PIKFYVE: variants seen among roughly 807,000 people sequenced by gnomAD.
PIKFYVE encodes the protein phosphoinositide kinase, FYVE-type zinc finger containing, also known as 1-phosphatidylinositol 3-phosphate 5-kinase.
In PIKFYVE, 122 loss-of-function variants were observed where a neutral mutation model predicts 257.9. The observed-to-expected ratio is 0.47, with a 90% CI of 0.41 to 0.55. PIKFYVE has a LOEUF of 0.55. Among genes scored for constraint, PIKFYVE ranks in the 20% least tolerant of loss-of-function variants. The probability of loss-of-function intolerance (pLI) is 0.00; values close to 1 mark genes in which losing one functional copy is unlikely to be tolerated. For missense variants in PIKFYVE, 2,160 were observed against 2,536.6 expected (o/e 0.85, Z 3.19); for synonymous variants, 892 against 868.9 (o/e 1.03, Z -0.47).
intron 30 of PIKFYVE, 122 bp downstream of exon 30, chr2:208,339,677 A>G: frequency 7.6e-7 from 1 of 1,309,934 alleles, no homozygotes. Context: ...TAACAGATTC[A>G]TGCCTTGCTT....
At chr2:208,338,297 A>G (rs1391759004) in intron 28 of PIKFYVE, among the ~76,000 whole-genome samples, 1 of 152,154 alleles carries the variant, frequency 6.6e-6, no homozygotes. Context: ...GTTCATGCAC[A>G]TTTAATAACT....
intron 26 of PIKFYVE, 36 bp from the exon 27 acceptor site, chr2:208,336,010 G>C (rs901791967): frequency 1.2e-6 from 2 of 1,613,006 alleles, no homozygotes; most frequent in African/African-American, 1.3e-5. Flanking sequence ...TGTCTGTATA[G>C]TGTCTGTCTC....
Position 208,357,243 on chromosome 2 carries a change from G to C in PIKFYVE, c.*1938G>C, listed in dbSNP as rs140749141. 5.9e-5 allele frequency: 9 copies of C among 152,310 alleles called. No homozygotes were observed. In the East Asian group the frequency reaches 1.5e-3, roughly 26 times the overall value. 9.4% of individuals were successfully genotyped at this position (152,310 alleles called of 1,614,324 possible). ...TCTAGGAACAATGGATTTTGTATCT[G>C]ATTTAAAATGCCAACACTGTTTTGT... On this transcript the variant is annotated 3_prime_UTR_variant, in exon 42 of 42. Transcript: ENST00000264380.
In PIKFYVE at chr2:208,315,169, T is replaced by G. The variant is rs755241444; in HGVS notation, c.1827-24T>G. The stretch of plus-strand genomic sequence containing the variant: ...CTCTGGCAGTATTAACTATGCAAAC[T>G]TCTTTCTTATAATATTTTTGTAGTT... On this transcript the variant is annotated intron_variant, in intron 14 of 41. Transcript: ENST00000264380. 3.8e-6 allele frequency: 6 copies of G among 1,598,462 alleles called. No homozygotes were observed. In the East Asian group the frequency reaches 1.3e-4, roughly 36 times the overall value.
chr2:208,333,171 T>G (rs1303348097), intron 23 of PIKFYVE, 144 bp from the exon 24 acceptor site: 3 of 751,926 alleles, frequency 4.0e-6, no homozygotes, highest in Non-Finnish European at 6.3e-6. Context: ...GAGGCGGAGC[T>G]TGCAGTGAGC....
At chr2:208,316,643 G>C (rs895801208) in intron 15 of PIKFYVE, among the ~76,000 whole-genome samples, 1 of 152,032 alleles carries the variant, frequency 6.6e-6, no homozygotes, top group Non-Finnish European at 1.5e-5. Flanking sequence ...TTTAAAGTTC[G>C]TATGGAACCA....
intron 15 of PIKFYVE, among the ~76,000 whole-genome samples, chr2:208,317,579 T>C (rs1451949179): frequency 1.3e-5 from 2 of 152,184 alleles, no homozygotes; most frequent in Non-Finnish European, 2.9e-5. Context: ...TTCCCTATGA[T>C]ATTTAACTTA....
chr2:208,325,664 C>T lies in PIKFYVE; in HGVS notation c.2853C>T (p.Ala951=), dbSNP rs770911160. The change falls in exon 20 of 42, where the codon GCC becomes GCT. Residue 951 remains alanine (A), a synonymous_variant. Coordinates refer to ENST00000264380, the MANE Select transcript of PIKFYVE (RefSeq NM_015040.4). ...ATAAAAATCTTCCGCAGGCTGTTGC[C>T]TCTGTGAAGCATCAAGAACATAGCA... ...QENKNLPQAV[A]SVKHQEHSTT... is the part of the protein sequence containing the mutation. 1 of 1,614,124 alleles carries T rather than the reference C, an allele frequency of 6.2e-7. No homozygotes were observed. The highest frequency in any genetic ancestry group is 8.5e-7 in the Non-Finnish European group (1 of 1,180,032).
intron 17 of PIKFYVE, among the ~76,000 whole-genome samples, chr2:208,320,678 A>G (rs541854447): frequency 1.8e-4 from 28 of 152,302 alleles, no homozygotes; most frequent in Admixed American, 9.2e-4. Context: ...AATACAGTCT[A>G]TGCTACTAAA....
chr2:208,269,852 C>T (rs1689173870), intron 1 of PIKFYVE: 1 of 294,232 alleles, frequency 3.4e-6, no homozygotes, highest in South Asian at 4.5e-5. Flanking sequence ...GGATAGCTGG[C>T]TCAGCTTTGG....
chr2:208,333,411 G>T lies in PIKFYVE; in HGVS notation c.4060G>T (p.Ala1354Ser). ...TTATGGGCACCAGTATACTCGCAGA[G>T]CCAACGCTGAGCCCTGTGGTCACTC... is the stretch of plus-strand genomic sequence containing the variant. ...RFYGHQYTRR[A>S]NAEPCGHSIH... Residue 1354 changes from alanine to serine, a missense_variant, in exon 24 of 42, where the codon GCC (alanine) becomes TCC (serine). Ala to Ser is a moderately conservative substitution (Grantham distance 99). Transcript: ENST00000264380. 1.9e-6 allele frequency: 3 copies of T among 1,614,030 alleles called. No homozygotes were observed. Among genetic ancestry groups the T allele is most frequent in the Non-Finnish European group, 2.5e-6 (3 of 1,180,000 alleles).
At chr2:208,304,724 G>A (rs1489542198) in intron 11 of PIKFYVE, 122 bp from the exon 12 acceptor site, 1 of 863,012 alleles carries the variant, frequency 1.2e-6, no homozygotes, top group South Asian at 1.4e-5. Flanking sequence ...ATCCATTTTG[G>A]TATTGCACAT....
intron 5 of PIKFYVE, among the ~76,000 whole-genome samples, chr2:208,282,593 C>G (rs1216697087): frequency 2.6e-5 from 4 of 152,200 alleles, no homozygotes; most frequent in Non-Finnish European, 5.9e-5. Flanking sequence ...AGGACTTCAA[C>G]TGATTAGATG....
chr2:208,274,209 G>A (rs1689813378), intron 3 of PIKFYVE, among the ~76,000 whole-genome samples: 1 of 152,174 alleles, frequency 6.6e-6, no homozygotes, highest in South Asian at 2.1e-4. Context: ...AACTGTCAGT[G>A]TGGCTGAATA....
chr2:208,325,007 T>C lies in PIKFYVE; in HGVS notation c.2428T>C (p.Phe810Leu). 5 of 1,614,080 alleles carry C rather than the reference T, an allele frequency of 3.1e-6. No homozygotes were observed. Among genetic ancestry groups the C allele is most frequent in the Non-Finnish European group, 4.2e-6 (5 of 1,179,960 alleles). ...TKPHLGTCHK[F>L]YMQIFQLPNE... ...ACCACACCTGGGCACTTGTCACAAATTTTATATGCAGATATTTCAGTTGCC... is the reference window on the plus strand; with the variant it reads ...ACCACACCTGGGCACTTGTCACAAACTTTATATGCAGATATTTCAGTTGCC... Residue 810 changes from phenylalanine (F) to leucine (L), a missense_variant, in exon 19 of 42, where the codon TTT becomes CTT. Transcript: ENST00000264380.
chr2:208,349,070 C>T (rs1255705500), intron 35 of PIKFYVE, among the ~76,000 whole-genome samples: 13 of 151,890 alleles, frequency 8.6e-5, no homozygotes, highest in South Asian at 2.1e-4. Flanking sequence ...GGCTGAGGCA[C>T]GAGAACTGCA....
intron 12 of PIKFYVE, among the ~76,000 whole-genome samples, chr2:208,306,271 G>A (rs1268114760): frequency 6.6e-6 from 1 of 152,156 alleles, no homozygotes; most frequent in African/African-American, 2.4e-5. Context: ...GAAAAATGAT[G>A]GAGAATATTT....
Position 208,354,664 on chromosome 2 carries a change from T to A in PIKFYVE, c.6181+19T>A, listed in dbSNP as rs777970282. The A allele has an allele frequency of 6.3e-7, 1 of 1,581,920 alleles. No homozygotes were observed. Among genetic ancestry groups the A allele is most frequent in the Non-Finnish European group, 8.7e-7 (1 of 1,150,808 alleles). On this transcript the variant is annotated intron_variant, in intron 41 of 41. Transcript: ENST00000264380. ...GGACAAGGTGAGAATTTTTGTTTTG[T>A]TTAAATTGTTCACATGTATTTCTTA... is the stretch of plus-strand genomic sequence containing the variant.
In PIKFYVE at chr2:208,330,512, G is replaced by C. The variant is rs1408815457; in HGVS notation, c.3792-11G>C. 1 of 1,613,936 alleles carries C rather than the reference G, an allele frequency of 6.2e-7. No individual in the cohort carries two copies. The highest frequency in any genetic ancestry group is 1.7e-5 in the Admixed American group (1 of 60,012). Reference sequence around the variant, plus strand: ...TGCTTAATGTGAGAAGGGCTCTTTTGTTTGTCAAAGGCCTTCTTATCAGTG... The same window carrying C: ...TGCTTAATGTGAGAAGGGCTCTTTTCTTTGTCAAAGGCCTTCTTATCAGTG... On this transcript the variant is annotated splice_polypyrimidine_tract_variant and intron_variant, in intron 22 of 41. Coordinates refer to ENST00000264380, the MANE Select transcript of PIKFYVE (RefSeq NM_015040.4).
Sources: allele counts gnomAD v4.1 joint callset (sites outside exome capture counted in the v4.1 genomes callset), GRCh38; gene constraint gnomAD v4.1.1; transcripts MANE v1.5; gene names NCBI Gene and HGNC (gene_info 2026-07-23, HGNC 2026-07-21).